SEMA3D: variants seen among roughly 807,000 people sequenced by gnomAD.
SEMA3D encodes the protein semaphorin-3D.
SEMA3D carries 84 observed loss-of-function variants against 100.1 expected under a neutral mutation model. The observed-to-expected ratio is 0.84, with a 90% CI of 0.70 to 1.01. The LOEUF (loss-of-function observed/expected upper bound fraction) is 1.01. Among genes scored for constraint, SEMA3D ranks in the 50% least tolerant of loss-of-function variants. SEMA3D has a pLI of 0.00. For missense variants in SEMA3D, 875 were observed against 934.1 expected (o/e 0.94, Z 0.82); for synonymous variants, 312 against 320.7 (o/e 0.97, Z 0.29).
At chr7:85,183,517 C>G (rs985509743) in intron 1 of SEMA3D, among the ~76,000 whole-genome samples, 1 of 152,142 alleles carries the variant, frequency 6.6e-6, no homozygotes, top group African/African-American at 2.4e-5. Context: ...TCCTGACCTT[C>G]CCTGCCACCA....
intron 2 of SEMA3D, among the ~76,000 whole-genome samples, chr7:85,150,346 A>AATATAT (rs3078412): frequency 0.04 from 4,808 of 121,178 alleles, 216 homozygotes; most frequent in Middle Eastern, 0.063. Flanking sequence ...CTTTTCTAGA[A>AATATAT]ATATATATAT....
In SEMA3D at chr7:85,117,763, AGTATGTAT is replaced by A. The variant is rs35480171; in HGVS notation, c.151+3970_151+3977del. ...ACTTGAGCGTGGGAGACAGAGCAAG[AGTATGTAT>A]GTATGTATGTATGTATGTATGTATG... is the stretch of plus-strand genomic sequence containing the variant. On this transcript the variant is annotated intron_variant, in intron 3 of 18. Transcript: ENST00000284136. Among the ~76,000 whole-genome samples, 1,124 of 145,722 alleles carry A rather than the reference AGTATGTAT, an allele frequency of 7.7e-3. 8 individuals are homozygous for A. Among genetic ancestry groups the A allele is most frequent in the South Asian group, 0.021 (95 of 4,512 alleles).
chr7:85,130,168 T>C (rs1789684247), intron 2 of SEMA3D, among the ~76,000 whole-genome samples: 1 of 152,118 alleles, frequency 6.6e-6, no homozygotes, highest in Admixed American at 6.6e-5. Context: ...ACATGTGGAA[T>C]TTAGGAACCA....
Position 85,015,248 on chromosome 7 carries a change from G to A in SEMA3D, c.1546-32C>T, listed in dbSNP as rs750002483. 1.9e-6 allele frequency: 3 copies of A among 1,592,618 alleles called. No homozygotes were observed. In the African/African-American group the frequency reaches 4.0e-5, roughly 21 times the overall value. ...ATCGGGCAAAACAAATGAATTAGAAGCATCTTTCAGACTAGTCTTAAGAAT... is the reference window on the plus strand; with the variant it reads ...ATCGGGCAAAACAAATGAATTAGAAACATCTTTCAGACTAGTCTTAAGAAT... On this transcript the variant is annotated intron_variant, in intron 15 of 18. Coordinates refer to ENST00000284136, the MANE Select transcript of SEMA3D (RefSeq NM_001384900.1).
At chr7:85,131,608 A>G (rs2116435271) in intron 2 of SEMA3D, among the ~76,000 whole-genome samples, 1 of 152,136 alleles carries the variant, frequency 6.6e-6, no homozygotes, top group African/African-American at 2.4e-5. Flanking sequence ...CTTCTCCAGA[A>G]AGGATACTAG....
intron 15 of SEMA3D, 85 bp from the exon 16 acceptor site, chr7:85,015,301 A>C: frequency 7.8e-7 from 1 of 1,290,156 alleles, no homozygotes. Flanking sequence ...CACATAATAC[A>C]TATAAATCTG....
In SEMA3D at chr7:85,037,100, T is replaced by C. The variant is rs10246603; in HGVS notation, c.1047-67A>G. The C allele has an allele frequency of 1.5e-3, 2,198 of 1,514,476 alleles. 31 individuals carry two copies. In the African/African-American group the frequency reaches 0.026, roughly 18 times the overall value. 93.8% of individuals were successfully genotyped at this position (1,514,476 alleles called of 1,614,324 possible). A position where few individuals can be genotyped will look rare whatever the true frequency, so the allele number is the denominator to read the frequency against. On this transcript the variant is annotated intron_variant, in intron 11 of 18. Coordinates refer to ENST00000284136, the MANE Select transcript of SEMA3D (RefSeq NM_001384900.1). ...ATTCAATAAACATTGACTGAGCACA[T>C]ACTATCAGCAGGTGCTGTGGACAAA...
chr7:85,036,600 T>C (rs868457565), intron 12 of SEMA3D, among the ~76,000 whole-genome samples: 7 of 152,138 alleles, frequency 4.6e-5, no homozygotes, highest in Middle Eastern at 3.2e-3. Flanking sequence ...GCTGTCATTC[T>C]AGATAACTAA....
the SEMA3D span, among the ~76,000 whole-genome samples, chr7:85,199,099 T>G: frequency 6.6e-6 from 1 of 152,088 alleles, no homozygotes; most frequent in African/African-American, 2.4e-5. Context: ...ATTATTATTT[T>G]TAATGTCTAG....
At chr7:85,024,171 G>T (rs1213080469) in intron 12 of SEMA3D, among the ~76,000 whole-genome samples, 1 of 151,862 alleles carries the variant, frequency 6.6e-6, no homozygotes, top group Non-Finnish European at 1.5e-5. Flanking sequence ...TGGATATGGA[G>T]CTCAAATGAT....
chr7:85,220,347 T>A, the SEMA3D span, among the ~76,000 whole-genome samples: 47 of 147,096 alleles, frequency 3.2e-4, no homozygotes, highest in Admixed American at 2.0e-3. Flanking sequence ...TTTTTTTTTT[T>A]ATCTCTACAC....
chr7:85,116,385 T>C (rs1451709480), intron 3 of SEMA3D, among the ~76,000 whole-genome samples: 1 of 146,374 alleles, frequency 6.8e-6, no homozygotes, highest in East Asian at 2.0e-4. Flanking sequence ...TTTATATAAA[T>C]ATATACATAA....
At chr7:85,060,865 T>C (rs1434895367) in intron 8 of SEMA3D, among the ~76,000 whole-genome samples, 1 of 152,166 alleles carries the variant, frequency 6.6e-6, no homozygotes, top group Non-Finnish European at 1.5e-5. Context: ...TCTCCATATG[T>C]TAGAAAAGAA....
At chr7:85,179,704 C>A (rs573263259) in intron 1 of SEMA3D, among the ~76,000 whole-genome samples, 1 of 150,892 alleles carries the variant, frequency 6.6e-6, no homozygotes, top group African/African-American at 2.4e-5. Flanking sequence ...CTCTTTTGCC[C>A]AGGCCGGACT....
chr7:85,040,590 A>T, intron 11 of SEMA3D, 83 bp downstream of exon 11: 1 of 737,322 alleles, frequency 1.4e-6, no homozygotes, highest in Non-Finnish European at 2.4e-6. Context: ...CTACAAACGC[A>T]GGGACAAAAA....
At chr7:85,143,125 G>A in intron 2 of SEMA3D, 6 of 974,610 alleles carry the variant, frequency 6.2e-6, no homozygotes, top group Non-Finnish European at 7.3e-6. Context: ...TAGCTATCAT[G>A]GTACAACACA....
intron 1 of SEMA3D, chr7:85,159,755 A>C: frequency 2.7e-6 from 2 of 753,080 alleles, no homozygotes; most frequent in Non-Finnish European, 3.2e-6. Context: ...CAGAATGTAA[A>C]TGATTTGATG....
At chr7:85,165,359 C>T (rs193093555) in intron 1 of SEMA3D, among the ~76,000 whole-genome samples, 86 of 151,390 alleles carry the variant, frequency 5.7e-4, no homozygotes, top group Admixed American at 1.8e-3. Context: ...ATCATTTAAA[C>T]GAGAGTTTGT....
At chr7:85,141,761 A>C in intron 2 of SEMA3D, 1 of 836,912 alleles carries the variant, frequency 1.2e-6, no homozygotes, top group Non-Finnish European at 1.4e-6. Context: ...TGTTTTCTCA[A>C]GGTTTTTGCC....
Sources: allele counts gnomAD v4.1 joint callset (sites outside exome capture counted in the v4.1 genomes callset), GRCh38; gene constraint gnomAD v4.1.1; transcripts MANE v1.5; gene names NCBI Gene and HGNC (gene_info 2026-07-23, HGNC 2026-07-21).